Variants in RFX4 observed in about 807,000 individuals in gnomAD.
The protein encoded by RFX4 is regulatory factor X4, also known as transcription factor RFX4.
RFX4 carries 10 observed loss-of-function variants against 95.0 expected under a neutral mutation model. The ratio of observed to expected loss-of-function variants is 0.11; its 90% CI spans 0.06 to 0.18. The LOEUF is 0.18. Ranked by LOEUF, RFX4 falls within the 10% of genes least tolerant of loss-of-function variation. The pLI is 1.00. For missense variants in RFX4, 640 were observed against 922.0 expected (o/e 0.69, Z 3.96); for synonymous variants, 321 against 340.7 (o/e 0.94, Z 0.64).
chr12:106,655,376 C>T (rs1370692260), intron 4 of RFX4, among the ~76,000 whole-genome samples: 1 of 152,086 alleles, frequency 6.6e-6, no homozygotes, highest in Non-Finnish European at 1.5e-5. Context: ...GGAGAAACTA[C>T]CTTTGGCTAT....
intron 2 of RFX4, among the ~76,000 whole-genome samples, chr12:106,611,848 T>C (rs1023588397): frequency 1.3e-5 from 2 of 152,220 alleles, no homozygotes; most frequent in African/African-American, 4.8e-5. Context: ...GGTATCCAGG[T>C]TCCCCAGCAC....
chr12:106,675,890 G>A (rs1283814722), intron 4 of RFX4, among the ~76,000 whole-genome samples: 2 of 152,174 alleles, frequency 1.3e-5, no homozygotes, highest in African/African-American at 2.4e-5. Flanking sequence ...GAGAGGACGG[G>A]GAGAGGTAAG....
chr12:106,639,050 G>A (rs2040567318), intron 2 of RFX4, among the ~76,000 whole-genome samples: 2 of 152,174 alleles, frequency 1.3e-5, no homozygotes, highest in South Asian at 2.1e-4. Flanking sequence ...GTGGATGAGT[G>A]TGATCACATT....
chr12:106,748,523 A>T (rs1370201438), intron 16 of RFX4, among the ~76,000 whole-genome samples: 2 of 152,228 alleles, frequency 1.3e-5, no homozygotes, highest in African/African-American at 4.8e-5. Flanking sequence ...GCTGTGATGA[A>T]TGAACTACAA....
intron 15 of RFX4, among the ~76,000 whole-genome samples, chr12:106,744,559 A>G (rs188684815): frequency 5.3e-5 from 8 of 152,350 alleles, no homozygotes; most frequent in African/African-American, 1.9e-4. Flanking sequence ...CCACGTGCCA[A>G]ACTCTCTGAC....
intron 9 of RFX4, among the ~76,000 whole-genome samples, chr12:106,710,812 T>C (rs1426592994): frequency 6.6e-6 from 1 of 152,198 alleles, no homozygotes; most frequent in Non-Finnish European, 1.5e-5. Context: ...GGCACATGTC[T>C]TGTCTGCGTT....
At chr12:106,612,944 G>A (rs887096515) in intron 2 of RFX4, among the ~76,000 whole-genome samples, 1 of 152,040 alleles carries the variant, frequency 6.6e-6, no homozygotes, top group African/African-American at 2.4e-5. Context: ...GCTGTGGCTA[G>A]GACGTCTAGT....
intron 13 of RFX4, among the ~76,000 whole-genome samples, chr12:106,727,871 G>A (rs1379245437): frequency 7.2e-5 from 11 of 152,120 alleles, no homozygotes; most frequent in Admixed American, 5.9e-4. Context: ...TGCCCGCCTC[G>A]GCCTCCCAAA....
Position 106,583,005 on chromosome 12 carries a change from C to G in RFX4, c.-316C>G. On this transcript the variant is annotated 5_prime_UTR_variant, in exon 1 of 18. Transcript: ENST00000392842. ...GATGCTTTTTCCCATGAAACATCCG[C>G]AAACATTTTGACGGGTTTGGCTTTG... The G allele has an allele frequency of 3.0e-6, 1 of 332,170 alleles. No homozygotes were observed. 20.6% of individuals were successfully genotyped at this position (332,170 alleles called of 1,614,324 possible).
chr12:106,759,137 G>T (rs1005702946), intron 17 of RFX4, among the ~76,000 whole-genome samples: 2 of 152,246 alleles, frequency 1.3e-5, no homozygotes, highest in Non-Finnish European at 2.9e-5. Context: ...ACAGGCTGGG[G>T]TGTTTAGGTT....
At chr12:106,693,252 G>A (rs1171280813) in intron 7 of RFX4, 1 of 224,428 alleles carries the variant, frequency 4.5e-6, no homozygotes, top group Middle Eastern at 4.6e-4. Context: ...GAGTAGAAAG[G>A]GATGTTAAAA....
intron 2 of RFX4, among the ~76,000 whole-genome samples, chr12:106,622,616 A>G (rs1201919309): frequency 6.9e-6 from 1 of 144,528 alleles, no homozygotes; most frequent in Non-Finnish European, 1.5e-5. Context: ...GCCCACTCCA[A>G]GCTGCATTTT....
In RFX4 at chr12:106,720,922, G is replaced by A. The variant is rs767791404; in HGVS notation, c.1351+46G>A. 3 of 1,548,406 alleles carry A rather than the reference G, an allele frequency of 1.9e-6. No homozygotes were observed. The highest frequency in any genetic ancestry group is 2.7e-6 in the Non-Finnish European group (3 of 1,122,116). ...CCCATCTCCAAGCACTTTTTCCTCTGGGCACGGAGCCCAGAGGAATCTACC... is the reference window on the plus strand; with the variant it reads ...CCCATCTCCAAGCACTTTTTCCTCTAGGCACGGAGCCCAGAGGAATCTACC... On this transcript the variant is annotated intron_variant, in intron 13 of 17. Coordinates refer to ENST00000392842, the MANE Select transcript of RFX4 (RefSeq NM_213594.3). The surrounding 1 kb of genome is among the most constrained non-coding windows in gnomAD (Gnocchi z 4.2).
chr12:106,700,555 A>C (rs9971652), intron 8 of RFX4, among the ~76,000 whole-genome samples: 61,111 of 149,992 alleles, frequency 0.41, 13,010 homozygotes, highest in African/African-American at 0.54. Context: ...TACAGGCGCC[A>C]GCTACCACGC....
intron 4 of RFX4, among the ~76,000 whole-genome samples, chr12:106,669,383 A>G (rs2041237935): frequency 6.6e-6 from 1 of 152,146 alleles, no homozygotes. Context: ...GGACATGGGT[A>G]ATTGGCAGTT....
chr12:106,626,755 A>G (rs1049992030), intron 2 of RFX4, among the ~76,000 whole-genome samples: 97 of 152,214 alleles, frequency 6.4e-4, no homozygotes, highest in African/African-American at 2.1e-3. Flanking sequence ...CAGGAACCCA[A>G]TGGGATTCTT....
intron 4 of RFX4, among the ~76,000 whole-genome samples, chr12:106,666,303 T>C (rs2041175559): frequency 6.6e-6 from 1 of 152,118 alleles, no homozygotes; most frequent in African/African-American, 2.4e-5. Context: ...CTGGCTTTTT[T>C]CAGGATGTTT....
intron 3 of RFX4, among the ~76,000 whole-genome samples, chr12:106,648,911 C>T (rs1277747381): frequency 1.3e-5 from 2 of 152,046 alleles, no homozygotes; most frequent in East Asian, 3.9e-4. Flanking sequence ...CCTCCATGTG[C>T]CTTAGGAGGC....
At chr12:106,626,036 C>T (rs1445300887) in intron 2 of RFX4, among the ~76,000 whole-genome samples, 1 of 152,186 alleles carries the variant, frequency 6.6e-6, no homozygotes, top group Non-Finnish European at 1.5e-5. Flanking sequence ...GAAGTTAAGG[C>T]ACATACTTGA....
Sources: allele counts gnomAD v4.1 joint callset (sites outside exome capture counted in the v4.1 genomes callset), GRCh38; gene constraint gnomAD v4.1.1; non-coding constraint Gnocchi (gnomAD v3.1); transcripts MANE v1.5; gene names NCBI Gene and HGNC (gene_info 2026-07-23, HGNC 2026-07-21).